Variants in GALNT13 observed in about 807,000 individuals in gnomAD.
The protein encoded by GALNT13 is polypeptide N-acetylgalactosaminyltransferase 13.
In GALNT13, 28 loss-of-function variants were observed where a neutral mutation model predicts 64.2. The ratio of observed to expected loss-of-function variants is 0.44; its 90% CI spans 0.32 to 0.60. The LOEUF (loss-of-function observed/expected upper bound fraction) is 0.60. Ranked by LOEUF, GALNT13 falls within the 20% of genes least tolerant of loss-of-function variation. GALNT13 has a pLI of 0.05. For missense variants in GALNT13, 577 were observed against 669.8 expected, an observed-to-expected ratio of 0.86 and a Z score of 1.53; for synonymous variants, 214 against 224.6, an observed-to-expected ratio of 0.95 and a Z score of 0.42.
At chr2:153,635,731 A>C in the GALNT13 span, among the ~76,000 whole-genome samples, 4 of 152,104 alleles carry the variant, frequency 2.6e-5, no homozygotes, top group African/African-American at 9.7e-5. Flanking sequence ...ATTTTATGCT[A>C]CTGACTGGAA....
chr2:153,582,331 AT>A, the GALNT13 span, among the ~76,000 whole-genome samples: 34,639 of 151,624 alleles, frequency 0.23, 4,267 homozygotes, highest in East Asian at 0.45. Flanking sequence ...TTTCTAAGGG[AT>A]TTTTTTTTCC....
intron 3 of GALNT13, among the ~76,000 whole-genome samples, chr2:154,051,560 G>C (rs1699621285): frequency 6.6e-6 from 1 of 152,008 alleles, no homozygotes; most frequent in Admixed American, 6.6e-5. Context: ...AAAGTGCTGG[G>C]ATTACAGGCG....
chr2:153,237,426 A>C, the GALNT13 span, among the ~76,000 whole-genome samples: 1 of 152,018 alleles, frequency 6.6e-6, no homozygotes, highest in East Asian at 1.9e-4. Flanking sequence ...ATCAAATACT[A>C]GATCTTATTC....
chr2:153,899,312 C>T (rs1688078482), intron 1 of GALNT13, among the ~76,000 whole-genome samples: 1 of 152,064 alleles, frequency 6.6e-6, no homozygotes, highest in Non-Finnish European at 1.5e-5. Context: ...TTAGTGTTCA[C>T]CTCAGTCTTC....
At chr2:153,957,571 T>A (rs1027613692) in intron 3 of GALNT13, among the ~76,000 whole-genome samples, 1 of 152,132 alleles carries the variant, frequency 6.6e-6, no homozygotes, top group Admixed American at 6.5e-5. Flanking sequence ...AGTTAGGACA[T>A]GCTTATTGCC....
chr2:154,291,874 C>G lies in GALNT13; in HGVS notation c.976-9535C>G, dbSNP rs539938192. The stretch of plus-strand genomic sequence containing the variant: ...TGTCACCTCTCGATGTGATTCAAAC[C>G]TTTTTGTTTTTTCCTTTTATGTTTG... On this transcript the variant is annotated intron_variant, in intron 8 of 12. Coordinates refer to ENST00000392825, the MANE Select transcript of GALNT13 (RefSeq NM_052917.4). Among the ~76,000 whole-genome samples, 4 of 152,362 alleles carry G rather than the reference C, an allele frequency of 2.6e-5. No homozygotes were observed. The South Asian group carries it at 6.2e-4, about 24-fold the overall frequency.
chr2:153,155,935 T>C, the GALNT13 span, among the ~76,000 whole-genome samples: 1 of 152,238 alleles, frequency 6.6e-6, no homozygotes, highest in Non-Finnish European at 1.5e-5. Flanking sequence ...ATGTTGTCTC[T>C]TTGTTCTCAT....
intron 2 of GALNT13, among the ~76,000 whole-genome samples, chr2:153,932,626 C>CTTTTTTTTTTTTTTTT (rs34617568): frequency 5.2e-5 from 5 of 95,648 alleles, no homozygotes; most frequent in African/African-American, 8.8e-5. Flanking sequence ...TTCTGTCTTT[C>CTTTTTTTTTTTTTTTT]TTTTTTTTTT....
chr2:153,763,423 C>A, the GALNT13 span, among the ~76,000 whole-genome samples: 8 of 152,092 alleles, frequency 5.3e-5, no homozygotes, highest in African/African-American at 1.9e-4. Flanking sequence ...ATAATTGAAT[C>A]ATGGGGGCAG....
intron 9 of GALNT13, among the ~76,000 whole-genome samples, chr2:154,378,413 C>G (rs1698100916): frequency 6.6e-6 from 1 of 152,096 alleles, no homozygotes; most frequent in African/African-American, 2.4e-5. Flanking sequence ...ACACCTCCTG[C>G]TATTAGGAAA....
At chr2:153,879,189 A>T (rs1449152684) in intron 1 of GALNT13, among the ~76,000 whole-genome samples, 1 of 152,180 alleles carries the variant, frequency 6.6e-6, no homozygotes, top group Non-Finnish European at 1.5e-5. Flanking sequence ...CTTTGCAGAT[A>T]TTGATTCATT....
At chr2:153,793,251 C>T in the GALNT13 span, among the ~76,000 whole-genome samples, 2 of 151,950 alleles carry the variant, frequency 1.3e-5, no homozygotes, top group African/African-American at 2.4e-5. Flanking sequence ...GGATTACAGG[C>T]GTGAGCCACC....
rs193220360 is a variant in GALNT13 at position 154,193,444 on chromosome 2, A to G, written c.312-48586A>G. Among the ~76,000 whole-genome samples, 217 of 152,242 alleles carry G rather than the reference A, an allele frequency of 1.4e-3. 2 individuals carry two copies. The highest frequency in any genetic ancestry group is 4.3e-3 in the African/African-American group (177 of 41,554). ...CAGTAGATGGCCTCCCTCAGAACTA[A>G]CCAGTCTGCAGTTTTGTTTCCTGAA... On this transcript the variant is annotated intron_variant, in intron 4 of 12. Transcript: ENST00000392825.
At chr2:153,480,800 G>C in the GALNT13 span, among the ~76,000 whole-genome samples, 1 of 152,178 alleles carries the variant, frequency 6.6e-6, no homozygotes, top group African/African-American at 2.4e-5. Flanking sequence ...GTACAGAACT[G>C]TGTGTTCAGT....
At chr2:154,120,335 T>C (rs1681868861) in intron 3 of GALNT13, among the ~76,000 whole-genome samples, 1 of 152,214 alleles carries the variant, frequency 6.6e-6, no homozygotes, top group African/African-American at 2.4e-5. Flanking sequence ...TTCTGCTCTT[T>C]GCAATCTGCA....
the GALNT13 span, among the ~76,000 whole-genome samples, chr2:153,615,063 C>T: frequency 6.6e-6 from 1 of 152,076 alleles, no homozygotes; most frequent in Non-Finnish European, 1.5e-5. Context: ...TATCCTTCTA[C>T]CCTCTATCTC....
At chr2:153,584,869 T>C in the GALNT13 span, among the ~76,000 whole-genome samples, 1 of 152,186 alleles carries the variant, frequency 6.6e-6, no homozygotes, top group Admixed American at 6.5e-5. Context: ...TATTCACTAC[T>C]GCATGTACTC....
At chr2:153,436,029 T>C in the GALNT13 span, among the ~76,000 whole-genome samples, 1 of 152,226 alleles carries the variant, frequency 6.6e-6, no homozygotes, top group Non-Finnish European at 1.5e-5. Context: ...TGAGAGTTTT[T>C]AGCATGAAGT....
chr2:154,411,922 A>T (rs1009755194), intron 11 of GALNT13, among the ~76,000 whole-genome samples: 1 of 151,798 alleles, frequency 6.6e-6, no homozygotes, highest in Non-Finnish European at 1.5e-5. Context: ...AAAAGATTTC[A>T]TTCAAATTTT....
Sources: gnomAD v4.1 joint callset for allele counts (sites outside exome capture counted in the v4.1 genomes callset) on GRCh38, gnomAD v4.1.1 for gene constraint, MANE v1.5 for transcripts, NCBI Gene and HGNC (gene_info 2026-07-23, HGNC 2026-07-21) for gene names.